ACYP2: variants seen among roughly 807,000 people sequenced by gnomAD.
ACYP2 encodes acylphosphatase-2.
A neutral mutation model predicts 11.2 loss-of-function variants in ACYP2; 12 were observed. The observed-to-expected ratio is 1.08, with a 90% CI of 0.69 to 1.74. The LOEUF is 1.74. Among genes scored for constraint, ACYP2 ranks in the 40% most tolerant of loss-of-function variants. The pLI is 0.00. For missense variants in ACYP2, 134 were observed against 101.9 expected (o/e 1.31, Z -1.35); for synonymous variants, 43 against 32.2 (o/e 1.33, Z -1.13).
At chr2:54,238,074 C>A (rs1189827504) in intron 6 of ACYP2, among the ~76,000 whole-genome samples, 1 of 152,194 alleles carries the variant, frequency 6.6e-6, no homozygotes, top group Non-Finnish European at 1.5e-5. Flanking sequence ...CATTCCCTTA[C>A]ATGATTCAGG....
chr2:54,117,394 C>G (rs183735708), intron 4 of ACYP2, among the ~76,000 whole-genome samples: 46 of 152,278 alleles, frequency 3.0e-4, no homozygotes, highest in Non-Finnish European at 1.8e-4. Context: ...CTCCTGGGCT[C>G]AAGTGATCTT....
At chr2:54,147,923 G>A (rs1490878373) in intron 6 of ACYP2, among the ~76,000 whole-genome samples, 43 of 152,030 alleles carry the variant, frequency 2.8e-4, no homozygotes, top group Non-Finnish European at 1.3e-4. Context: ...CAGAAAACTG[G>A]ACTTAAAAAT....
intron 6 of ACYP2, among the ~76,000 whole-genome samples, chr2:54,262,780 T>A (rs182008319): frequency 5.9e-5 from 9 of 152,350 alleles, no homozygotes; most frequent in African/African-American, 2.2e-4. Flanking sequence ...AAGTAAAGCA[T>A]TTCTGGTTTT....
chr2:54,011,737 ATT>A (rs5831287), intron 2 of ACYP2, among the ~76,000 whole-genome samples: 2,168 of 150,684 alleles, frequency 0.014, 45 homozygotes, highest in African/African-American at 0.048. Flanking sequence ...TTTTTGGTGT[ATT>A]TTTTTTTTTA....
intron 6 of ACYP2, among the ~76,000 whole-genome samples, chr2:54,295,786 A>G (rs1271058267): frequency 6.6e-6 from 1 of 151,294 alleles, no homozygotes; most frequent in Non-Finnish European, 1.5e-5. Flanking sequence ...TGTGAGACAG[A>G]GTATCACTCT....
chr2:54,170,229 T>C (rs1017087952), intron 6 of ACYP2, among the ~76,000 whole-genome samples: 7 of 152,186 alleles, frequency 4.6e-5, no homozygotes, highest in African/African-American at 1.4e-4. Context: ...CTTGGCTCAC[T>C]GCAACCTCCA....
At chr2:54,090,495 G>T (rs1001172757) in intron 4 of ACYP2, among the ~76,000 whole-genome samples, 8 of 152,198 alleles carry the variant, frequency 5.3e-5, no homozygotes. Flanking sequence ...GCTGGGCGGG[G>T]TGGCGTGCGC....
intron 6 of ACYP2, among the ~76,000 whole-genome samples, chr2:54,191,341 G>A (rs571965784): frequency 6.6e-6 from 1 of 152,248 alleles, no homozygotes; most frequent in African/African-American, 2.4e-5. Flanking sequence ...AGCCATGCTG[G>A]CCTCTCCTTG....
chr2:53,986,265 C>G (rs1672030857), intron 2 of ACYP2, among the ~76,000 whole-genome samples: 1 of 152,140 alleles, frequency 6.6e-6, no homozygotes. Flanking sequence ...GTGGAAACAG[C>G]CTGAAGCTCT....
intron 1 of ACYP2, among the ~76,000 whole-genome samples, chr2:53,972,656 T>G (rs558093198): frequency 6.6e-6 from 1 of 152,142 alleles, no homozygotes; most frequent in African/African-American, 2.4e-5. Flanking sequence ...GGGTTGGAAC[T>G]GACAAGATTG....
At chr2:54,066,717 C>T (rs551484482) in intron 4 of ACYP2, among the ~76,000 whole-genome samples, 1 of 152,004 alleles carries the variant, frequency 6.6e-6, no homozygotes, top group Non-Finnish European at 1.5e-5. Flanking sequence ...AGGCAAATAA[C>T]AAATAAGTAG....
chr2:54,170,506 T>C (rs578011545), intron 6 of ACYP2, among the ~76,000 whole-genome samples: 1 of 152,218 alleles, frequency 6.6e-6, no homozygotes, highest in South Asian at 2.1e-4. Context: ...TGGTTGCCAA[T>C]ACCAGGTGAT....
chr2:54,299,225 G>A (rs1004926846), intron 6 of ACYP2, among the ~76,000 whole-genome samples: 1 of 152,164 alleles, frequency 6.6e-6, no homozygotes, highest in African/African-American at 2.4e-5. Flanking sequence ...CTTCCCTGGA[G>A]AATATGACCA....
chr2:54,143,741 T>G (rs912451872), intron 6 of ACYP2, among the ~76,000 whole-genome samples: 16 of 117,876 alleles, frequency 1.4e-4, no homozygotes, highest in Admixed American at 1.6e-4. Context: ...CGGTTTTTTT[T>G]TTTTTTTTTT....
chr2:54,176,986 C>G (rs1340728443), intron 6 of ACYP2, among the ~76,000 whole-genome samples: 1 of 152,204 alleles, frequency 6.6e-6, no homozygotes, highest in Non-Finnish European at 1.5e-5. Context: ...AAGGGCACTT[C>G]ACAACAAACC....
intron 6 of ACYP2, among the ~76,000 whole-genome samples, chr2:54,251,050 A>C (rs2104008086): frequency 6.6e-6 from 1 of 152,336 alleles, no homozygotes; most frequent in Non-Finnish European, 1.5e-5. Context: ...GGATTTGATG[A>C]TCTATTTGGC....
In ACYP2 at chr2:54,294,755, TA is replaced by T. The variant is rs1418224438; in HGVS notation, c.405-9922del. Among the ~76,000 whole-genome samples, 227 of 145,578 alleles carry T rather than the reference TA, an allele frequency of 1.6e-3. 2 individuals carry two copies. Among genetic ancestry groups the T allele is most frequent in the Non-Finnish European group, 2.6e-3 (169 of 65,796 alleles). ...GTGAGACCCCATCTCTACAAAAAATTAAAAAAAAAAATTAGCCAGGTGTGGT... is the reference window on the plus strand; with the variant it reads ...GTGAGACCCCATCTCTACAAAAAATTAAAAAAAAAATTAGCCAGGTGTGGT... On this transcript the variant is annotated intron_variant, in intron 6 of 6. Coordinates refer to ENST00000607452, the MANE Select transcript of ACYP2 (RefSeq NM_001320586.2).
rs186848840 is a variant in ACYP2 at position 53,984,106 on chromosome 2, C to A, written c.62+10296C>A. ...CATCATCATCATCATAACAAAGGTACCCAGCACATTGAAGAGGCAACCAGT... is the reference window on the plus strand; with the variant it reads ...CATCATCATCATCATAACAAAGGTAACCAGCACATTGAAGAGGCAACCAGT... On this transcript the variant is annotated intron_variant, in intron 2 of 6. Transcript: ENST00000607452. Among the ~76,000 whole-genome samples, 41 of 152,056 alleles carry A rather than the reference C, an allele frequency of 2.7e-4. 1 individual carries two copies. Among genetic ancestry groups the A allele is most frequent in the African/African-American group, 8.2e-4 (34 of 41,446 alleles).
At chr2:54,042,112 T>G (rs748608623) in intron 2 of ACYP2, among the ~76,000 whole-genome samples, 2 of 152,048 alleles carry the variant, frequency 1.3e-5, no homozygotes, top group Admixed American at 6.5e-5. Flanking sequence ...GTGCAAGCAA[T>G]TCTCCTGCCT....
Sources: allele counts gnomAD v4.1 joint callset (sites outside exome capture counted in the v4.1 genomes callset), GRCh38; gene constraint gnomAD v4.1.1; transcripts MANE v1.5; gene names NCBI Gene and HGNC (gene_info 2026-07-23, HGNC 2026-07-21).